EYA4: variants seen among roughly 807,000 people sequenced by gnomAD.
EYA4 encodes EYA transcriptional coactivator and phosphatase 4.
Under a neutral mutation model 87.9 loss-of-function variants are expected in EYA4, and 31 were observed. The observed-to-expected ratio is 0.35, with a 90% CI of 0.27 to 0.48. The LOEUF is 0.48. Among genes scored for constraint, EYA4 ranks in the 20% least tolerant of loss-of-function variants. The pLI is 0.99. For missense variants in EYA4, 678 were observed against 761.4 expected, an observed-to-expected ratio of 0.89 and a Z score of 1.29; for synonymous variants, 263 against 270.6, an observed-to-expected ratio of 0.97 and a Z score of 0.28.
At chr6:133,312,538 A>C (rs1780310374) in intron 2 of EYA4, among the ~76,000 whole-genome samples, 1 of 152,228 alleles carries the variant, frequency 6.6e-6, no homozygotes, top group African/African-American at 2.4e-5. Context: ...GTCAAATGGA[A>C]TTGTAAAAAT....
intron 11 of EYA4, among the ~76,000 whole-genome samples, chr6:133,479,871 C>T (rs1347174627): frequency 3.3e-5 from 5 of 152,108 alleles, no homozygotes; most frequent in African/African-American, 1.2e-4. Flanking sequence ...ACAGTTGCTC[C>T]TACAGATTTG....
Position 133,504,995 on chromosome 6 carries a change from C to G in EYA4, c.1192-1111C>G, listed in dbSNP as rs73546832. 3.7e-3 allele frequency among the ~76,000 whole-genome samples: 561 copies of G among 152,280 alleles called. 2 individuals carry two copies. Among genetic ancestry groups the G allele is most frequent in the African/African-American group, 0.013 (528 of 41,560 alleles). The stretch of plus-strand genomic sequence containing the variant: ...CTCTGAGGTCTTCCAAAATAACTTC[C>G]CAGCCAAAACCAATAGTATCCTTCT... On this transcript the variant is annotated intron_variant, in intron 13 of 19. Coordinates refer to ENST00000355286, the MANE Select transcript of EYA4 (RefSeq NM_004100.5).
chr6:133,519,173 AC>A lies in EYA4; in HGVS notation c.1616+3739del, dbSNP rs1224788825. ...GAGCAGAACTGAAGGAAATAGAGAC[AC>A]AAAAAAACCTTCAAAAAATTAATGA... On this transcript the variant is annotated intron_variant, in intron 17 of 19. Transcript: ENST00000355286. Among the ~76,000 whole-genome samples the A allele has an allele frequency of 1.1e-4, 17 of 151,246 alleles. No individual in the cohort carries two copies. The South Asian group carries it at 3.3e-3, about 30-fold the overall frequency.
chr6:133,354,561 A>T (rs996311690), intron 2 of EYA4, among the ~76,000 whole-genome samples: 1 of 152,202 alleles, frequency 6.6e-6, no homozygotes, highest in Non-Finnish European at 1.5e-5. Flanking sequence ...ATTTCACACA[A>T]CTGGTATGCA....
At chr6:133,319,650 G>C (rs973937144) in intron 2 of EYA4, among the ~76,000 whole-genome samples, 23 of 150,048 alleles carry the variant, frequency 1.5e-4, no homozygotes, top group African/African-American at 5.6e-4. Context: ...ATTGTTTTGC[G>C]TGATTTTGTT....
intron 1 of EYA4, among the ~76,000 whole-genome samples, chr6:133,273,695 A>C (rs1776925026): frequency 6.6e-6 from 1 of 152,200 alleles, no homozygotes; most frequent in Non-Finnish European, 1.5e-5. Flanking sequence ...GAATTTGAAC[A>C]CTAGAAATGT....
At chr6:133,290,039 T>C (rs899343270) in intron 2 of EYA4, among the ~76,000 whole-genome samples, 19 of 152,210 alleles carry the variant, frequency 1.2e-4, no homozygotes, top group African/African-American at 4.3e-4. Flanking sequence ...AACTAGATTC[T>C]GAGCCCCAGA....
In EYA4 at chr6:133,348,801, G is replaced by A. The variant is rs147772176; in HGVS notation, c.34-33591G>A. ...TAGCTCAGAGGTTCATCTCCATCTC[G>A]GTGATTGCAGTAGCCTTCTAACTTG... On this transcript the variant is annotated intron_variant, in intron 2 of 19. Transcript: ENST00000355286. Among the ~76,000 whole-genome samples, 552 of 152,076 alleles carry A rather than the reference G, an allele frequency of 3.6e-3. 1 individual carries two copies. Among genetic ancestry groups the A allele is most frequent in the African/African-American group, 0.011 (441 of 41,464 alleles).
intron 3 of EYA4, among the ~76,000 whole-genome samples, chr6:133,445,317 A>G (rs1436352576): frequency 2.0e-5 from 3 of 152,300 alleles, no homozygotes; most frequent in African/African-American, 7.2e-5. Flanking sequence ...ATGAATTAAG[A>G]GAAAAATAAA....
chr6:133,514,791 A>G (rs188864405), intron 16 of EYA4, among the ~76,000 whole-genome samples: 13 of 152,306 alleles, frequency 8.5e-5, no homozygotes, highest in Admixed American at 4.6e-4. Context: ...TACATAGCAA[A>G]GTATTTATAG....
At chr6:133,493,865 T>C (rs1797401972) in intron 13 of EYA4, among the ~76,000 whole-genome samples, 2 of 152,090 alleles carry the variant, frequency 1.3e-5, no homozygotes, top group African/African-American at 4.8e-5. Flanking sequence ...TCAGAGAAAC[T>C]CAAAACTACA....
At chr6:133,402,479 AG>A (rs1204081033) in intron 3 of EYA4, among the ~76,000 whole-genome samples, 2 of 152,216 alleles carry the variant, frequency 1.3e-5, no homozygotes, top group Admixed American at 1.3e-4. Flanking sequence ...AAAATAACTC[AG>A]TATTATATAA....
rs1800327467 is a variant in EYA4 at position 133,523,087 on chromosome 6, A to G, written c.1648A>G (p.Thr550Ala). The G allele has an allele frequency of 2.5e-6, 4 of 1,612,498 alleles. No individual in the cohort carries two copies. The highest frequency in any genetic ancestry group is 2.5e-6 in the Non-Finnish European group (3 of 1,178,790). Reference sequence around the variant, plus strand: ...CTGCATAAATGTCTTGGTAACGACAACTCAACTGATCCCAGCACTTGCGAA... The same window carrying G: ...CTGCATAAATGTCTTGGTAACGACAGCTCAACTGATCCCAGCACTTGCGAA... ...SNCINVLVTTTQLIPALAKVL... is the reference protein window; with the variant it reads ...SNCINVLVTTAQLIPALAKVL... Residue 550 changes from threonine to alanine, a missense_variant, in exon 18 of 20, where the codon ACT becomes GCT. Coordinates refer to ENST00000355286, the MANE Select transcript of EYA4 (RefSeq NM_004100.5).
intron 3 of EYA4, among the ~76,000 whole-genome samples, chr6:133,394,282 GTGTTTTTTTTTTTTTTT>G (rs1282123244): frequency 6.8e-4 from 73 of 107,820 alleles, no homozygotes; most frequent in African/African-American, 3.1e-3. Context: ...ATATAAGCTT[GTGTTTTTTTTTTTTTTT>G]TTTTTTTTTT....
chr6:133,395,983 T>C, intron 3 of EYA4, among the ~76,000 whole-genome samples: 1 of 152,206 alleles, frequency 6.6e-6, no homozygotes, highest in Non-Finnish European at 1.5e-5. Flanking sequence ...AATAAAAATG[T>C]AATAATCAAG....
chr6:133,395,908 G>A (rs967196783), intron 3 of EYA4, among the ~76,000 whole-genome samples: 1 of 152,134 alleles, frequency 6.6e-6, no homozygotes, highest in African/African-American at 2.4e-5. Context: ...AGAAAGTCTT[G>A]TTTGCATGAT....
chr6:133,272,921 G>T (rs1412545432), intron 1 of EYA4, among the ~76,000 whole-genome samples: 3 of 151,850 alleles, frequency 2.0e-5, no homozygotes, highest in Non-Finnish European at 2.9e-5. Context: ...ATAGAGCTAG[G>T]CGTGGAATAT....
In EYA4 at chr6:133,482,004, G is replaced by A. The variant is rs1301385332; in HGVS notation, c.1107+405G>A. On this transcript the variant is annotated intron_variant, in intron 12 of 19. Coordinates refer to ENST00000355286, the MANE Select transcript of EYA4 (RefSeq NM_004100.5). Reference sequence around the variant, plus strand: ...TAAAAAGATGAAAGTAATTTGTATAGAAAGAAAAATTCATCTTCTAAAAAT... The same window carrying A: ...TAAAAAGATGAAAGTAATTTGTATAAAAAGAAAAATTCATCTTCTAAAAAT... Among the ~76,000 whole-genome samples the A allele has an allele frequency of 4.6e-5, 7 of 152,228 alleles. No individual in the cohort carries two copies. In the South Asian group the frequency reaches 6.2e-4, roughly 14 times the overall value.
chr6:133,267,371 A>G lies in EYA4; in HGVS notation c.-65-7345A>G, dbSNP rs544444987. Among the ~76,000 whole-genome samples, 58 of 151,852 alleles carry G rather than the reference A, an allele frequency of 3.8e-4. 1 individual carries two copies. The highest frequency in any genetic ancestry group is 6.8e-3 in the Middle Eastern group (2 of 292). ...TTTTTTCATCTAATTCACAATCAAC[A>G]ATGTTCACTTTTCCACTTTTTTTTT... On this transcript the variant is annotated intron_variant, in intron 1 of 19. Coordinates refer to ENST00000355286, the MANE Select transcript of EYA4 (RefSeq NM_004100.5).
Sources: allele counts gnomAD v4.1 joint callset (sites outside exome capture counted in the v4.1 genomes callset), GRCh38; gene constraint gnomAD v4.1.1; transcripts MANE v1.5; gene names NCBI Gene and HGNC (gene_info 2026-07-23, HGNC 2026-07-21).